Variants in CRK observed in about 807,000 individuals in gnomAD.
The protein encoded by CRK is CRK proto-oncogene, adaptor protein, also known as adapter molecule crk.
Under a neutral mutation model 29.8 loss-of-function variants are expected in CRK, and 4 were observed. That is an observed-to-expected ratio of 0.13 (90% CI 0.07 to 0.31). The LOEUF is 0.31. Ranked by LOEUF, CRK falls within the 10% of genes least tolerant of loss-of-function variation. The pLI is 1.00. For synonymous variants in CRK, 153 were observed against 164.9 expected (o/e 0.93, Z 0.55); for missense variants, 274 against 396.5 (o/e 0.69, Z 2.62).
chr17:1,437,256 T>C (rs977272840), intron 1 of CRK, 101 bp from the exon 2 acceptor site: 6 of 1,317,336 alleles, frequency 4.6e-6, no homozygotes, highest in Non-Finnish European at 6.1e-6. Flanking sequence ...CTCACTATGT[T>C]ACCCAGGCTG....
chr17:1,448,655 C>T (rs561758204), intron 1 of CRK, among the ~76,000 whole-genome samples: 76 of 141,590 alleles, frequency 5.4e-4, no homozygotes, highest in Admixed American at 2.6e-3. Flanking sequence ...AAAAGTGGCT[C>T]GTACATTATA....
chr17:1,432,137 G>A (rs2073849414), intron 2 of CRK, among the ~76,000 whole-genome samples: 1 of 152,094 alleles, frequency 6.6e-6, no homozygotes, highest in Non-Finnish European at 1.5e-5. Flanking sequence ...ACATTCTTAG[G>A]AGCTTCTTAC....
intron 2 of CRK, among the ~76,000 whole-genome samples, 163 bp downstream of exon 2, chr17:1,436,457 T>C (rs968133976): frequency 6.6e-6 from 1 of 152,176 alleles, no homozygotes; most frequent in Non-Finnish European, 1.5e-5. Flanking sequence ...ACAGGTTTTC[T>C]ATGAAGAAGA....
rs2150896407 is a variant in CRK at position 1,422,691 on chromosome 17, T to A, written c.*822A>T. ...AATGGCCCTGCTGGATCCCATTAGT[T>A]AGGACTCTAGTTAGCTGCTGTAGAA... On this transcript the variant is annotated 3_prime_UTR_variant, in exon 3 of 3. Coordinates refer to ENST00000300574, the MANE Select transcript of CRK (RefSeq NM_016823.4). The A allele has an allele frequency of 2.8e-6, 1 of 356,924 alleles. No homozygotes were observed. The highest frequency in any genetic ancestry group is 2.1e-5 in the African/African-American group (1 of 47,858). The allele number at this position is 356,924 out of a possible 1,614,324, so 22.1% of individuals were successfully genotyped here. A position where few individuals can be genotyped will look rare whatever the true frequency, so the allele number is the denominator to read the frequency against.
intron 1 of CRK, among the ~76,000 whole-genome samples, chr17:1,452,931 C>T (rs757200334): frequency 6.6e-6 from 1 of 152,012 alleles, no homozygotes; most frequent in African/African-American, 2.4e-5. Flanking sequence ...CCGTGAGACC[C>T]CTCATCTCTA....
intron 1 of CRK, 83 bp downstream of exon 1, chr17:1,455,794 C>T (rs889287045): frequency 5.7e-5 from 79 of 1,392,524 alleles, no homozygotes; most frequent in Non-Finnish European, 2.9e-5. Flanking sequence ...CCCCGAGGGT[C>T]CGCTCTCGAG....
chr17:1,449,619 C>T (rs757411821), intron 1 of CRK, among the ~76,000 whole-genome samples: 2 of 152,128 alleles, frequency 1.3e-5, no homozygotes, highest in Non-Finnish European at 1.5e-5. Flanking sequence ...AAGCTTATAA[C>T]GACTCTCCTA....
chr17:1,427,590 C>G (rs1250853480), intron 2 of CRK, among the ~76,000 whole-genome samples: 2 of 151,690 alleles, frequency 1.3e-5, no homozygotes, highest in East Asian at 1.9e-4. Flanking sequence ...GAGACTCAGT[C>G]TCAAATAAAT....
At chr17:1,444,618 C>A (rs530881300) in intron 1 of CRK, among the ~76,000 whole-genome samples, 1 of 133,586 alleles carries the variant, frequency 7.5e-6, no homozygotes, top group South Asian at 2.5e-4. Context: ...CACCTGAGAT[C>A]GGGAGTTCGA....
intron 1 of CRK, among the ~76,000 whole-genome samples, chr17:1,453,432 G>A (rs1047432691): frequency 1.3e-5 from 2 of 152,140 alleles, no homozygotes; most frequent in South Asian, 4.1e-4. Context: ...TTGCCATCAT[G>A]TGACGACATA....
chr17:1,428,964 G>C (rs913227588), intron 2 of CRK, among the ~76,000 whole-genome samples: 2 of 151,746 alleles, frequency 1.3e-5, no homozygotes, highest in Admixed American at 1.3e-4. Context: ...TCCTGCCTCA[G>C]CCTCCTGAGT....
At chr17:1,428,232 C>A (rs1254873122) in intron 2 of CRK, among the ~76,000 whole-genome samples, 2 of 151,662 alleles carry the variant, frequency 1.3e-5, no homozygotes, top group Non-Finnish European at 2.9e-5. Flanking sequence ...GATTCTCCTG[C>A]CTCAGCCTCC....
In CRK at chr17:1,450,423, C is replaced by T. The variant is rs551065131; in HGVS notation, c.241+5454G>A. On this transcript the variant is annotated intron_variant, in intron 1 of 2. Transcript: ENST00000300574. ...TCAGGAGGCTGAGGGAGGAGAATGA[C>T]GTGAACCCGGCAGGCGGAGCTTTCA... is the stretch of plus-strand genomic sequence containing the variant. Among the ~76,000 whole-genome samples the T allele has an allele frequency of 4.3e-4, 65 of 152,080 alleles. 1 individual carries two copies. The highest frequency in any genetic ancestry group is 1.5e-3 in the African/African-American group (62 of 41,492).
chr17:1,451,466 A>G (rs1036538761), intron 1 of CRK, among the ~76,000 whole-genome samples: 1 of 151,580 alleles, frequency 6.6e-6, no homozygotes, highest in Non-Finnish European at 1.5e-5. Context: ...TCTTGACCTC[A>G]AGTGATCCAC....
intron 1 of CRK, among the ~76,000 whole-genome samples, chr17:1,447,103 A>C (rs578043122): frequency 1.3e-5 from 2 of 152,192 alleles, no homozygotes; most frequent in African/African-American, 2.4e-5. Flanking sequence ...CAGAACACAC[A>C]TAAGTCCCAG....
At chr17:1,431,599 T>G (rs1281269184) in intron 2 of CRK, among the ~76,000 whole-genome samples, 9 of 152,074 alleles carry the variant, frequency 5.9e-5, no homozygotes, top group Admixed American at 5.9e-4. Context: ...GTGTACTAGT[T>G]TTTTTTGAGG....
At chr17:1,426,548 T>G (rs965470416) in intron 2 of CRK, 1 of 151,898 alleles carries the variant, frequency 6.6e-6, no homozygotes, top group Non-Finnish European at 1.5e-5. Flanking sequence ...CTGGGCACCA[T>G]AGTGAAACCT....
At chr17:1,436,238 G>A (rs905883606) in intron 2 of CRK, among the ~76,000 whole-genome samples, 4 of 152,072 alleles carry the variant, frequency 2.6e-5, no homozygotes, top group African/African-American at 7.2e-5. Context: ...CTTTGATAGA[G>A]ACCACTTATT....
At chr17:1,430,392 T>C (rs1309038440) in intron 2 of CRK, among the ~76,000 whole-genome samples, 2 of 149,812 alleles carry the variant, frequency 1.3e-5, no homozygotes, top group South Asian at 2.1e-4. Flanking sequence ...AGTCTCGCTC[T>C]GTCGCCCAGG....
Sources: allele counts gnomAD v4.1 joint callset (sites outside exome capture counted in the v4.1 genomes callset), GRCh38; gene constraint gnomAD v4.1.1; transcripts MANE v1.5; gene names NCBI Gene and HGNC (gene_info 2026-07-23, HGNC 2026-07-21).